ASAP1: variants seen among roughly 807,000 people sequenced by gnomAD.
The protein encoded by ASAP1 is arf-GAP with SH3 domain, ANK repeat and PH domain-containing protein 1.
Under a neutral mutation model 145.2 loss-of-function variants are expected in ASAP1, and 43 were observed. The ratio of observed to expected loss-of-function variants is 0.30; its 90% CI spans 0.23 to 0.38. ASAP1 has a LOEUF of 0.38. Among genes scored for constraint, ASAP1 ranks in the 10% least tolerant of loss-of-function variants. The pLI, the probability that ASAP1 is intolerant of heterozygous loss-of-function variation, is 1.00. For missense variants in ASAP1, 1,018 were observed against 1,355.3 expected (o/e 0.75, Z 3.91); for synonymous variants, 546 against 515.5 (o/e 1.06, Z -0.80).
intron 3 of ASAP1, among the ~76,000 whole-genome samples, chr8:130,316,242 C>T (rs750088656): frequency 2.0e-5 from 3 of 152,202 alleles, no homozygotes; most frequent in African/African-American, 4.8e-5. Context: ...GACACTAATA[C>T]TTCAATAACT....
chr8:130,110,994 T>C (rs1233236738), intron 24 of ASAP1, among the ~76,000 whole-genome samples: 1 of 152,030 alleles, frequency 6.6e-6, no homozygotes, highest in African/African-American at 2.4e-5. Context: ...TTATCCCTAC[T>C]GGCTGAGGCA....
intron 3 of ASAP1, among the ~76,000 whole-genome samples, chr8:130,332,772 A>G (rs1440542232): frequency 6.6e-6 from 1 of 152,220 alleles, no homozygotes; most frequent in African/African-American, 2.4e-5. Flanking sequence ...AACCTGGAAG[A>G]AGCCATTAAT....
chr8:130,234,708 C>T (rs1019216703), intron 4 of ASAP1, among the ~76,000 whole-genome samples: 3 of 152,110 alleles, frequency 2.0e-5, no homozygotes, highest in African/African-American at 4.8e-5. Flanking sequence ...AGGGAGCCCT[C>T]AGCACGGTAA....
chr8:130,175,826 T>C lies in ASAP1; in HGVS notation c.746+3438A>G, dbSNP rs561282336. Reference sequence around the variant, plus strand: ...TGGGAATATTAAATGAGAAAACACATGTAAGGAACTTAGAGGCAGGGCCTA... The same window carrying C: ...TGGGAATATTAAATGAGAAAACACACGTAAGGAACTTAGAGGCAGGGCCTA... On this transcript the variant is annotated intron_variant, in intron 9 of 29. Coordinates refer to ENST00000518721, the MANE Select transcript of ASAP1 (RefSeq NM_018482.4). 1.8e-4 allele frequency among the ~76,000 whole-genome samples: 27 copies of C among 152,274 alleles called. No individual in the cohort carries two copies. The South Asian group carries it at 5.0e-3, about 28-fold the overall frequency.
intron 3 of ASAP1, among the ~76,000 whole-genome samples, chr8:130,334,341 A>T (rs769545876): frequency 2.6e-5 from 4 of 152,224 alleles, no homozygotes; most frequent in Non-Finnish European, 4.4e-5. Context: ...ATATTATTAC[A>T]AAATGCCAGC....
chr8:130,206,344 T>C (rs1280428511), intron 5 of ASAP1, among the ~76,000 whole-genome samples: 1 of 152,146 alleles, frequency 6.6e-6, no homozygotes, highest in African/African-American at 2.4e-5. Flanking sequence ...CTCTCCATAC[T>C]TTTTAACATT....
intron 5 of ASAP1, among the ~76,000 whole-genome samples, chr8:130,200,182 A>G (rs2136308124): frequency 6.6e-6 from 1 of 152,328 alleles, no homozygotes; most frequent in Admixed American, 6.5e-5. Context: ...AATAATATAT[A>G]ATCATGAGAT....
intron 3 of ASAP1, among the ~76,000 whole-genome samples, chr8:130,323,878 A>C (rs922458761): frequency 7.9e-5 from 12 of 152,134 alleles, no homozygotes; most frequent in African/African-American, 2.9e-4. Flanking sequence ...ATTAAAAAAA[A>C]CCACTTATCT....
intron 1 of ASAP1, 39 bp from the exon 2 acceptor site, chr8:130,402,009 C>T (rs1458768029): frequency 3.6e-6 from 5 of 1,396,088 alleles, no homozygotes; most frequent in South Asian, 3.6e-5. Flanking sequence ...CAAGAGTCAT[C>T]CGGTGAAACT....
chr8:130,210,795 T>A (rs1483736446), intron 5 of ASAP1, among the ~76,000 whole-genome samples: 1 of 152,190 alleles, frequency 6.6e-6, no homozygotes, highest in Non-Finnish European at 1.5e-5. Context: ...GGTGCATCTA[T>A]CTCTAAAATG....
rs548512902 is a variant in ASAP1 at position 130,276,728 on chromosome 8, A to ACACACACACTCT, written c.187-39735_187-39734insAGAGTGTGTGTG. ...CACACACACACACACACACACACAC[A>ACACACACACTCT]CTCTCTCTCTCTCTCTCTCTCTCTC... On this transcript the variant is annotated intron_variant, in intron 3 of 29. Coordinates refer to ENST00000518721, the MANE Select transcript of ASAP1 (RefSeq NM_018482.4). 8.4e-3 allele frequency among the ~76,000 whole-genome samples: 737 copies of ACACACACACTCT among 87,284 alleles called. 15 individuals are homozygous for ACACACACACTCT. The highest frequency in any genetic ancestry group is 0.017 in the Middle Eastern group (2 of 116). 57.3% of individuals were successfully genotyped at this position (87,284 alleles called of 152,430 possible).
intron 24 of ASAP1, among the ~76,000 whole-genome samples, chr8:130,099,170 G>C (rs2097524304): frequency 6.6e-6 from 1 of 151,228 alleles, no homozygotes; most frequent in South Asian, 2.1e-4. Context: ...TACGCCACCA[G>C]GCCTAGCTAA....
chr8:130,216,049 G>T (rs576258740), intron 4 of ASAP1, among the ~76,000 whole-genome samples: 1 of 136,966 alleles, frequency 7.3e-6, no homozygotes, highest in Non-Finnish European at 1.7e-5. Flanking sequence ...GAAAGGAAAA[G>T]AAAGAAAAGG....
intron 5 of ASAP1, among the ~76,000 whole-genome samples, chr8:130,204,296 T>C (rs1200546421): frequency 2.6e-5 from 4 of 152,190 alleles, no homozygotes; most frequent in Non-Finnish European, 4.4e-5. Context: ...TACCCTCTTG[T>C]ATGTGGAAAA....
At chr8:130,116,834 C>G (rs748773468) in intron 21 of ASAP1, 46 bp downstream of exon 21, 1 of 1,575,824 alleles carries the variant, frequency 6.3e-7, no homozygotes, top group South Asian at 1.1e-5. Context: ...ATGTACCATG[C>G]AACACACGCT....
At chr8:130,391,951 T>A (rs1214181482) in intron 2 of ASAP1, among the ~76,000 whole-genome samples, 1 of 152,188 alleles carries the variant, frequency 6.6e-6, no homozygotes, top group Non-Finnish European at 1.5e-5. Flanking sequence ...CATCTAGTGG[T>A]ACAACAAAGA....
chr8:130,419,189 G>A (rs892591183), intron 1 of ASAP1, among the ~76,000 whole-genome samples: 10 of 152,288 alleles, frequency 6.6e-5, no homozygotes, highest in South Asian at 6.2e-4. Context: ...AGGACACGGC[G>A]CTATGGGTTT....
At position 130,163,993 on chromosome 8, in the gene ASAP1, T is replaced by G. The variant is rs144139031; in HGVS notation, c.909+3543A>C. Among the ~76,000 whole-genome samples, 583 of 152,354 alleles carry G rather than the reference T, an allele frequency of 3.8e-3. 6 individuals are homozygous for G. Among genetic ancestry groups the G allele is most frequent in the African/African-American group, 0.013 (556 of 41,578 alleles). On this transcript the variant is annotated intron_variant, in intron 11 of 29. Transcript: ENST00000518721. ...TTGATTTAATGGGGCTATAAATGTT[T>G]CTGGTATCCAATTTAAAACTAAACC...
intron 11 of ASAP1, 190 bp from the exon 12 acceptor site, chr8:130,160,154 CA>C: frequency 1.8e-6 from 1 of 567,102 alleles, no homozygotes; most frequent in Non-Finnish European, 3.1e-6. Flanking sequence ...AGTCACAAAG[CA>C]AGTCCGAGGC....
Sources: allele counts gnomAD v4.1 joint callset (sites outside exome capture counted in the v4.1 genomes callset), GRCh38; gene constraint gnomAD v4.1.1; transcripts MANE v1.5; gene names NCBI Gene and HGNC (gene_info 2026-07-23, HGNC 2026-07-21).